ANXA8: variants seen among roughly 807,000 people sequenced by gnomAD.
The protein encoded by ANXA8 is annexin A8.
Under a neutral mutation model 26.8 loss-of-function variants are expected in ANXA8, and 9 were observed. The ratio of observed to expected loss-of-function variants is 0.34; its 90% CI spans 0.20 to 0.59. The LOEUF (loss-of-function observed/expected upper bound fraction) is 0.59, where lower values mean the gene tolerates loss of function less well. Among genes scored for constraint, ANXA8 ranks in the 20% least tolerant of loss-of-function variants. The pLI, the probability that ANXA8 is intolerant of heterozygous loss-of-function variation, is 0.84. For missense variants in ANXA8, 83 were observed against 238.5 expected (o/e 0.35, Z 4.29); for synonymous variants, 39 against 94.8 (o/e 0.41, Z 3.42).
the ANXA8 span, among the ~76,000 whole-genome samples, chr10:47,945,325 T>A: frequency 9.9e-4 from 149 of 150,284 alleles, no homozygotes; most frequent in Non-Finnish European, 1.9e-3. Flanking sequence ...CAATGTTGAC[T>A]GAATCAGGAG....
At chr10:47,680,523 T>C in the ANXA8 span, among the ~76,000 whole-genome samples, 1 of 151,704 alleles carries the variant, frequency 6.6e-6, no homozygotes, top group Non-Finnish European at 1.5e-5. Flanking sequence ...TAATTCCAGC[T>C]ACTCGGGAGA....
chr10:47,616,271 T>C, the ANXA8 span, among the ~76,000 whole-genome samples: 4 of 71,782 alleles, frequency 5.6e-5, 2 homozygotes, highest in African/African-American at 1.7e-4. Context: ...CTTTTTCTAT[T>C]GAGAGGCAGG....
the ANXA8 span, among the ~76,000 whole-genome samples, chr10:47,639,188 T>A: frequency 1.7e-4 from 25 of 148,908 alleles, no homozygotes; most frequent in Non-Finnish European, 5.9e-5. Context: ...TGGAGTGCAG[T>A]GGCGCTATCT....
chr10:47,591,434 ATTTTTTTTT>A, the ANXA8 span, among the ~76,000 whole-genome samples: 3 of 60,212 alleles, frequency 5.0e-5, no homozygotes, highest in East Asian at 7.1e-4. Context: ...TTCTTTCTGA[ATTTTTTTTT>A]TTTTTTTTTT....
chr10:47,650,448 T>C, the ANXA8 span, among the ~76,000 whole-genome samples: 1 of 151,716 alleles, frequency 6.6e-6, no homozygotes, highest in East Asian at 1.9e-4. Flanking sequence ...CTGTTAAGGG[T>C]CTAGTATTTA....
At chr10:47,942,840 G>T in the ANXA8 span, among the ~76,000 whole-genome samples, 3 of 145,490 alleles carry the variant, frequency 2.1e-5, no homozygotes, top group Non-Finnish European at 4.5e-5. Context: ...TAAGGCAGAG[G>T]GAGCCTTTAG....
At chr10:47,651,402 G>A in the ANXA8 span, among the ~76,000 whole-genome samples, 2 of 151,620 alleles carry the variant, frequency 1.3e-5, no homozygotes, top group Non-Finnish European at 2.9e-5. Context: ...GATGCTATGG[G>A]AAACAGTCTG....
chr10:47,674,957 A>G, the ANXA8 span, among the ~76,000 whole-genome samples: 3 of 150,498 alleles, frequency 2.0e-5, no homozygotes, highest in East Asian at 5.8e-4. Context: ...TAGAGACTAA[A>G]GCATGTAGTA....
the ANXA8 span, among the ~76,000 whole-genome samples, chr10:47,950,910 T>C: frequency 1.3e-5 from 2 of 150,670 alleles, no homozygotes; most frequent in African/African-American, 4.9e-5. Context: ...TTTTAGAAGT[T>C]GGAAAAAGAG....
the ANXA8 span, among the ~76,000 whole-genome samples, chr10:47,650,786 G>A: frequency 1.6e-4 from 23 of 145,942 alleles, no homozygotes; most frequent in Admixed American, 6.1e-4. Flanking sequence ...CAGCCTGGGC[G>A]ACAGAGCGAG....
the ANXA8 span, among the ~76,000 whole-genome samples, chr10:47,776,184 T>C: frequency 6.6e-5 from 10 of 151,286 alleles, no homozygotes; most frequent in Non-Finnish European, 1.5e-4. Context: ...TGAGGACTTT[T>C]CAATTCTGGT....
chr10:47,948,864 A>G, the ANXA8 span, among the ~76,000 whole-genome samples: 2 of 151,738 alleles, frequency 1.3e-5, no homozygotes, highest in Admixed American at 6.6e-5. Flanking sequence ...GGGCTTCATC[A>G]AATCTATTGA....
the ANXA8 span, among the ~76,000 whole-genome samples, chr10:47,651,095 A>C: frequency 2.0e-5 from 3 of 151,296 alleles, no homozygotes; most frequent in Non-Finnish European, 4.4e-5. Context: ...GCTAGTCGAG[A>C]AGCTGAGGTG....
At chr10:47,778,704 T>C in the ANXA8 span, among the ~76,000 whole-genome samples, 1 of 152,034 alleles carries the variant, frequency 6.6e-6, no homozygotes, top group South Asian at 2.1e-4. Context: ...GAAATGTTGT[T>C]AGAAAATCAC....
the ANXA8 span, among the ~76,000 whole-genome samples, chr10:47,686,713 CAG>C: frequency 6.6e-6 from 1 of 151,864 alleles, no homozygotes; most frequent in South Asian, 2.1e-4. Flanking sequence ...GGTGGTCTCA[CAG>C]AGTCAAAAAA....
At chr10:47,700,909 C>G in the ANXA8 span, among the ~76,000 whole-genome samples, 20 of 150,420 alleles carry the variant, frequency 1.3e-4, no homozygotes, top group African/African-American at 4.9e-4. Context: ...TAGTGAGACC[C>G]TGTCTCTACA....
chr10:47,663,197 G>T, the ANXA8 span, among the ~76,000 whole-genome samples: 3 of 147,534 alleles, frequency 2.0e-5, 1 homozygote, highest in African/African-American at 5.4e-5. Flanking sequence ...AAAGAAAAAA[G>T]TCTATGTGGA....
chr10:47,493,471 G>A, the ANXA8 span, among the ~76,000 whole-genome samples: 1 of 148,370 alleles, frequency 6.7e-6, no homozygotes, highest in Admixed American at 6.7e-5. Flanking sequence ...TTCTGAGGCT[G>A]TGTGTCCCCC....
the ANXA8 span, chr10:47,691,280 T>C: frequency 2.5e-6 from 3 of 1,216,624 alleles, no homozygotes; most frequent in Non-Finnish European, 1.1e-6. Flanking sequence ...CTAAGTTTTG[T>C]TTGTTTTTGT....
Sources: gnomAD v4.1 joint callset for allele counts (sites outside exome capture counted in the v4.1 genomes callset) on GRCh38, gnomAD v4.1.1 for gene constraint, MANE v1.5 for transcripts, NCBI Gene and HGNC (gene_info 2026-07-23, HGNC 2026-07-21) for gene names.